Variants in CREB5 observed in about 807,000 individuals in gnomAD.
CREB5 encodes cAMP responsive element binding protein 5.
Under a neutral mutation model 57.1 loss-of-function variants are expected in CREB5, and 19 were observed. That is an observed-to-expected ratio of 0.33 (90% CI 0.23 to 0.49). The LOEUF is 0.49. Among genes scored for constraint, CREB5 ranks in the 20% least tolerant of loss-of-function variants. The pLI, the probability that CREB5 is intolerant of heterozygous loss-of-function variation, is 0.99. For missense variants in CREB5, 579 were observed against 671.6 expected (o/e 0.86, Z 1.52); for synonymous variants, 238 against 238.3 (o/e 1.00, Z 0.01).
Position 28,717,086 on chromosome 7 carries a change from C to CTTTTTTTTTT in CREB5, c.465-1657_465-1648dup, listed in dbSNP as rs5883165. On this transcript the variant is annotated intron_variant, in intron 5 of 10. Transcript: ENST00000357727. ...AATCTCTGCGGAAAGGCTTTATATT[C>CTTTTTTTTTT]TTTTTTTTTTTTTTTTTTTGAGATG... Among the ~76,000 whole-genome samples the CTTTTTTTTTT allele has an allele frequency of 4.1e-4, 45 of 110,208 alleles. 1 individual carries two copies. The highest frequency in any genetic ancestry group is 5.7e-4 in the African/African-American group (16 of 27,994). 72.3% of individuals were successfully genotyped at this position (110,208 alleles called of 152,430 possible). A position where few individuals can be genotyped will look rare whatever the true frequency, so the allele number is the denominator to read the frequency against.
At chr7:28,740,359 T>C (rs1489337520) in intron 7 of CREB5, among the ~76,000 whole-genome samples, 1 of 152,218 alleles carries the variant, frequency 6.6e-6, no homozygotes, top group African/African-American at 2.4e-5. Flanking sequence ...CCACTTTCCC[T>C]TTCTGTTTGG....
At chr7:28,411,282 G>T (rs1033465648), upstream of CREB5, among the ~76,000 whole-genome samples, 33 of 152,170 alleles carry the variant, frequency 2.2e-4, no homozygotes, top group African/African-American at 8.0e-4. Context: ...TAGCAGAAGA[G>T]GGATGCTGAC....
chr7:28,771,002 T>C (rs769065467), intron 7 of CREB5, among the ~76,000 whole-genome samples: 3 of 152,232 alleles, frequency 2.0e-5, no homozygotes, highest in Non-Finnish European at 4.4e-5. Flanking sequence ...AAAATATATA[T>C]GATAGCAAAT....
At chr7:28,454,175 G>A (rs1294479026) in intron 1 of CREB5, among the ~76,000 whole-genome samples, 2 of 151,992 alleles carry the variant, frequency 1.3e-5, no homozygotes, top group East Asian at 1.9e-4. Context: ...GGATGGTCTC[G>A]ATCTCCTGAC....
intron 5 of CREB5, among the ~76,000 whole-genome samples, chr7:28,702,516 C>T (rs921280653): frequency 5.3e-5 from 8 of 152,196 alleles, no homozygotes; most frequent in African/African-American, 1.9e-4. Context: ...CTTCTAGAAG[C>T]CTTTCCAACT....
intron 7 of CREB5, among the ~76,000 whole-genome samples, chr7:28,798,913 C>T (rs910333427): frequency 3.3e-5 from 5 of 152,190 alleles, no homozygotes; most frequent in Non-Finnish European, 7.3e-5. Context: ...AAACAAGACA[C>T]AGTCCAGCTT....
intron 1 of CREB5, among the ~76,000 whole-genome samples, chr7:28,368,331 T>A (rs1307834437): frequency 6.6e-6 from 1 of 152,126 alleles, no homozygotes; most frequent in Non-Finnish European, 1.5e-5. Flanking sequence ...TTCAACGCTA[T>A]ACAATTCATC....
intron 1 of CREB5, among the ~76,000 whole-genome samples, chr7:28,376,515 C>A (rs1383208968): frequency 6.6e-6 from 1 of 152,140 alleles, no homozygotes; most frequent in Non-Finnish European, 1.5e-5. Context: ...GGTGATCCAC[C>A]TGCCTCAGCT....
intron 5 of CREB5, among the ~76,000 whole-genome samples, chr7:28,612,543 G>GGT (rs59074697): frequency 0.27 from 36,639 of 137,064 alleles, 5,131 homozygotes; most frequent in Non-Finnish European, 0.33. Flanking sequence ...TTAGAGAAGG[G>GGT]GTGTGTGTGT....
chr7:28,527,657 A>G (rs1793504570), intron 4 of CREB5, among the ~76,000 whole-genome samples: 1 of 152,154 alleles, frequency 6.6e-6, no homozygotes, highest in African/African-American at 2.4e-5. Flanking sequence ...TCACTACAAA[A>G]AAGTTTTTAA....
At chr7:28,701,795 A>G (rs1801873148) in intron 5 of CREB5, among the ~76,000 whole-genome samples, 2 of 152,248 alleles carry the variant, frequency 1.3e-5, no homozygotes, top group Admixed American at 1.3e-4. Flanking sequence ...ATCTTCCTTG[A>G]TCTGGAAGGA....
intron 5 of CREB5, among the ~76,000 whole-genome samples, chr7:28,684,968 T>G (rs1454155586): frequency 6.6e-6 from 1 of 151,996 alleles, no homozygotes; most frequent in Non-Finnish European, 1.5e-5. Context: ...AGGTGTGAAG[T>G]GAGGGGTAGA....
intron 5 of CREB5, among the ~76,000 whole-genome samples, chr7:28,699,306 A>G (rs755592356): frequency 2.0e-5 from 3 of 152,170 alleles, no homozygotes; most frequent in Non-Finnish European, 2.9e-5. Context: ...GGAGATAACA[A>G]TGTATTTTTT....
intron 1 of CREB5, among the ~76,000 whole-genome samples, chr7:28,338,110 G>A (rs1212758126): frequency 1.3e-5 from 2 of 151,846 alleles, no homozygotes; most frequent in African/African-American, 4.8e-5. Flanking sequence ...ATTTTTAATT[G>A]GTTCATATTT....
chr7:28,773,178 A>T (rs1806426959), intron 7 of CREB5, among the ~76,000 whole-genome samples: 1 of 152,212 alleles, frequency 6.6e-6, no homozygotes, highest in Admixed American at 6.5e-5. Context: ...AACAAAAAAA[A>T]AATCACTTTA....
intron 5 of CREB5, among the ~76,000 whole-genome samples, chr7:28,662,909 G>A (rs187546794): frequency 6.6e-6 from 1 of 152,148 alleles, no homozygotes; most frequent in East Asian, 2.0e-4. Context: ...CACTTTGGGA[G>A]GCTTAGGTGG....
chr7:28,560,857 T>TGCGTGCGC (rs1795109660), intron 4 of CREB5, among the ~76,000 whole-genome samples: 5 of 51,032 alleles, frequency 9.8e-5, no homozygotes, highest in Non-Finnish European at 1.8e-4. Flanking sequence ...CGTGTGTGTG[T>TGCGTGCGC]GCGTGTGCCT....
intron 4 of CREB5, among the ~76,000 whole-genome samples, chr7:28,527,294 AG>A (rs1349338842): frequency 6.6e-6 from 1 of 152,350 alleles, no homozygotes; most frequent in Non-Finnish European, 1.5e-5. Context: ...TTCCAAGATC[AG>A]TGCCATACAA....
chr7:28,567,279 T>G (rs1195802336), intron 4 of CREB5, among the ~76,000 whole-genome samples: 2 of 152,250 alleles, frequency 1.3e-5, no homozygotes, highest in Non-Finnish European at 2.9e-5. Flanking sequence ...AACTGAACCG[T>G]AATTTAACAA....
Sources: gnomAD v4.1 joint callset for allele counts (sites outside exome capture counted in the v4.1 genomes callset) on GRCh38, gnomAD v4.1.1 for gene constraint, MANE v1.5 for transcripts, NCBI Gene and HGNC (gene_info 2026-07-23, HGNC 2026-07-21) for gene names.